Variants in NT5M observed in about 807,000 individuals in gnomAD.
NT5M encodes the protein 5'(3')-deoxyribonucleotidase, mitochondrial.
NT5M carries 22 observed loss-of-function variants against 22.2 expected under a neutral mutation model. The observed-to-expected ratio is 0.99, with a 90% CI of 0.71 to 1.41. The LOEUF is 1.41. Ranked by LOEUF, NT5M falls within the 40% of genes most tolerant of loss-of-function variation. The pLI, the probability that NT5M is intolerant of heterozygous loss-of-function variation, is 0.00. For missense variants in NT5M, 322 were observed against 314.8 expected (o/e 1.02, Z -0.17); for synonymous variants, 167 against 133.0 (o/e 1.26, Z -1.76).
intron 3 of NT5M, 108 bp downstream of exon 3, chr17:17,323,353 C>G (rs1053179421): frequency 1.1e-5 from 10 of 915,752 alleles, no homozygotes; most frequent in Non-Finnish European, 1.8e-5. Context: ...AGCACTCCCC[C>G]ACCTCTGTGA....
Position 17,336,989 on chromosome 17 carries a change from T to G in NT5M, c.430-7805T>G, listed in dbSNP as rs527862134. Among the ~76,000 whole-genome samples the G allele has an allele frequency of 3.3e-5, 5 of 152,298 alleles. No homozygotes were observed. In the East Asian group the frequency reaches 7.7e-4, roughly 23 times the overall value. ...CGAGTATCTTTTCCATATACTGATT[T>G]CCTTTTTTTTAGGGGTATATACCTA... On this transcript the variant is annotated intron_variant, in intron 3 of 4. Coordinates refer to ENST00000389022, the MANE Select transcript of NT5M (RefSeq NM_020201.4).
At chr17:17,344,720 C>G in intron 3 of NT5M, 74 bp from the exon 4 acceptor site, 1 of 1,564,310 alleles carries the variant, frequency 6.4e-7, no homozygotes, top group Non-Finnish European at 8.7e-7. Flanking sequence ...TGACCCCTGC[C>G]CTCGGCTCTT....
chr17:17,345,926 G>T (rs757188729), intron 4 of NT5M, among the ~76,000 whole-genome samples: 2 of 152,224 alleles, frequency 1.3e-5, no homozygotes, highest in Non-Finnish European at 2.9e-5. Context: ...GAAACTGCCC[G>T]TGAGTGTTGT....
At chr17:17,332,837 G>C (rs930552871) in intron 3 of NT5M, among the ~76,000 whole-genome samples, 3 of 152,268 alleles carry the variant, frequency 2.0e-5, no homozygotes, top group Middle Eastern at 3.4e-3. Flanking sequence ...CCGGTATCCT[G>C]CGTTCTGTGG....
chr17:17,308,889 A>T (rs934210750), intron 2 of NT5M, among the ~76,000 whole-genome samples: 1 of 152,146 alleles, frequency 6.6e-6, no homozygotes, highest in Non-Finnish European at 1.5e-5. Flanking sequence ...CATTTAGCAC[A>T]TGTTTTCAAG....
chr17:17,324,501 T>TAAA (rs11400183), intron 3 of NT5M, among the ~76,000 whole-genome samples: 2 of 147,800 alleles, frequency 1.4e-5, no homozygotes, highest in Non-Finnish European at 1.5e-5. Flanking sequence ...AAACTTAATT[T>TAAA]AAAAAAAAAA....
intron 2 of NT5M, among the ~76,000 whole-genome samples, chr17:17,320,330 A>G (rs1022028652): frequency 6.6e-6 from 1 of 152,158 alleles, no homozygotes; most frequent in African/African-American, 2.4e-5. Flanking sequence ...AGGTGGTTGC[A>G]GCCGCTCAGT....
intron 2 of NT5M, among the ~76,000 whole-genome samples, chr17:17,311,679 A>T (rs2048925237): frequency 6.6e-6 from 1 of 152,222 alleles, no homozygotes; most frequent in South Asian, 2.1e-4. Context: ...AAAAATTGTC[A>T]ACTTTTAAAG....
At chr17:17,343,993 C>T (rs1217020828) in intron 3 of NT5M, among the ~76,000 whole-genome samples, 1 of 152,160 alleles carries the variant, frequency 6.6e-6, no homozygotes, top group African/African-American at 2.4e-5. Flanking sequence ...CAGCCAGGAC[C>T]TGCTACCCTA....
chr17:17,334,122 C>T (rs200534650), intron 3 of NT5M, among the ~76,000 whole-genome samples: 5 of 151,902 alleles, frequency 3.3e-5, no homozygotes, highest in African/African-American at 7.3e-5. Context: ...TGTGAGACAC[C>T]GTGCCTGGTA....
In NT5M at chr17:17,327,435, C is replaced by T. The variant is rs1283860164; in HGVS notation, c.429+4190C>T. 2.3e-4 allele frequency among the ~76,000 whole-genome samples: 23 copies of T among 100,378 alleles called. 4 individuals are homozygous for T. Among genetic ancestry groups the T allele is most frequent in the Non-Finnish European group, 3.8e-4 (18 of 46,972 alleles). The allele number at this position is 100,378 out of a possible 152,430, so 65.9% of individuals were successfully genotyped here. ...CTTGGCTCACTGCAACCTCTGCCTC[C>T]TGAGTTTAAGTGATTCTCATGCCTC... On this transcript the variant is annotated intron_variant, in intron 3 of 4. Transcript: ENST00000389022.
chr17:17,331,941 T>C (rs1375718661), intron 3 of NT5M, among the ~76,000 whole-genome samples: 1 of 151,352 alleles, frequency 6.6e-6, no homozygotes, highest in Non-Finnish European at 1.5e-5. Flanking sequence ...CCACCATGCC[T>C]GGCTAATTTT....
intron 3 of NT5M, among the ~76,000 whole-genome samples, chr17:17,329,000 C>T (rs1053279862): frequency 5.3e-5 from 8 of 152,124 alleles, no homozygotes; most frequent in African/African-American, 9.7e-5. Context: ...ATTTTTTAGA[C>T]GGAGTCTCGC....
chr17:17,344,681 C>A, intron 3 of NT5M, 113 bp from the exon 4 acceptor site: 5 of 1,305,572 alleles, frequency 3.8e-6, no homozygotes, highest in Non-Finnish European at 5.3e-6. Context: ...GGCCTCCATC[C>A]CTCCCTGCCT....
At chr17:17,324,201 T>C (rs544753928) in intron 3 of NT5M, among the ~76,000 whole-genome samples, 32 of 144,192 alleles carry the variant, frequency 2.2e-4, no homozygotes, top group African/African-American at 7.7e-4. Flanking sequence ...ATGAAATTCA[T>C]GGTCAGGCGC....
At chr17:17,339,234 T>G (rs1484823667) in intron 3 of NT5M, among the ~76,000 whole-genome samples, 1 of 152,210 alleles carries the variant, frequency 6.6e-6, no homozygotes, top group Non-Finnish European at 1.5e-5. Flanking sequence ...TTTATTTTAT[T>G]TGTAGCTATT....
intron 4 of NT5M, 127 bp from the exon 5 acceptor site, chr17:17,346,678 T>C: frequency 8.9e-7 from 1 of 1,119,864 alleles, no homozygotes; most frequent in Non-Finnish European, 1.3e-6. Context: ...GTGCGTGCAG[T>C]CACCCCTTTA....
rs35320589 is a variant in NT5M at position 17,317,962 on chromosome 17, C to CAAAA, written c.369-5205_369-5202dup. ...AGGTGACAGAGTGAGACTCCATGAT[C>CAAAA]AAAAAAAAAAAAAAAAAAAAAGTTA... On this transcript the variant is annotated intron_variant, in intron 2 of 4. Transcript: ENST00000389022. Among the ~76,000 whole-genome samples, 33 of 74,008 alleles carry CAAAA rather than the reference C, an allele frequency of 4.5e-4. 1 individual carries two copies. Among genetic ancestry groups the CAAAA allele is most frequent in the Admixed American group, 7.5e-4 (4 of 5,336 alleles). The allele number at this position is 74,008 out of a possible 152,430, so 48.6% of individuals were successfully genotyped here. A position where few individuals can be genotyped will look rare whatever the true frequency, so the allele number is the denominator to read the frequency against.
At chr17:17,339,549 C>G (rs1052604909) in intron 3 of NT5M, among the ~76,000 whole-genome samples, 1 of 152,030 alleles carries the variant, frequency 6.6e-6, no homozygotes, top group Non-Finnish European at 1.5e-5. Flanking sequence ...TGTCATGTTC[C>G]CGGTCTTAGA....
Sources: gnomAD v4.1 joint callset for allele counts (sites outside exome capture counted in the v4.1 genomes callset) on GRCh38, gnomAD v4.1.1 for gene constraint, MANE v1.5 for transcripts, NCBI Gene and HGNC (gene_info 2026-07-23, HGNC 2026-07-21) for gene names.